Variants in PARP4 observed in about 807,000 individuals in gnomAD.
PARP4 encodes poly(ADP-ribose) polymerase family member 4.
PARP4 carries 120 observed loss-of-function variants against 187.7 expected under a neutral mutation model. That is an observed-to-expected ratio of 0.64 (90% CI 0.55 to 0.74). The LOEUF (loss-of-function observed/expected upper bound fraction) is 0.74, where lower values mean the gene tolerates loss of function less well. PARP4 is among the 30% of genes least tolerant of loss of function. The pLI is 0.00. For synonymous variants in PARP4, 654 were observed against 740.9 expected (o/e 0.88, Z 1.90); for missense variants, 1,836 against 2,070.5 (o/e 0.89, Z 2.20).
intron 10 of PARP4, among the ~76,000 whole-genome samples, chr13:24,489,961 C>T (rs56071500): frequency 0.098 from 14,980 of 152,174 alleles, 814 homozygotes; most frequent in Non-Finnish European, 0.12. Context: ...CTGGTGTGTG[C>T]GGCTACAACT....
intron 7 of PARP4, among the ~76,000 whole-genome samples, chr13:24,494,221 G>A (rs1215917426): frequency 6.6e-6 from 1 of 152,104 alleles, no homozygotes; most frequent in East Asian, 1.9e-4. Context: ...CTTGAGACAG[G>A]GTCTTGCTGT....
In PARP4 at chr13:24,469,104, C is replaced by T; in HGVS notation, c.2053G>A (p.Glu685Lys). The change falls in exon 17 of 34, where the codon GAG becomes AAG. Residue 685 changes from glutamate (E) to lysine (K), a missense_variant. Glu to Lys is a moderately conservative substitution (Grantham distance 56, BLOSUM62 1). This residue lies in a region of PARP4 where 1,147 missense variants were observed against 1,214.2 expected (regional missense o/e 0.94). Transcript: ENST00000381989. ...TACTCTTGCTGGGCTTCTTCCTTCT[C>T]TTTAATCTGGAAAAGATGAGTTTTA... ...NGKHIVGEIK[E>K]KEEAQQEYLE... The T allele has an allele frequency of 6.2e-7, 1 of 1,609,570 alleles. No homozygotes were observed. Among genetic ancestry groups the T allele is most frequent in the East Asian group, 2.2e-5 (1 of 44,846 alleles).
chr13:24,480,614 T>A (rs1873224846), intron 12 of PARP4, among the ~76,000 whole-genome samples: 1 of 152,194 alleles, frequency 6.6e-6, no homozygotes, highest in South Asian at 2.1e-4. Context: ...ATTGCTGATA[T>A]GAAGAAAATG....
chr13:24,433,946 T>C (rs1277312150), intron 31 of PARP4, among the ~76,000 whole-genome samples: 1 of 152,176 alleles, frequency 6.6e-6, no homozygotes, highest in East Asian at 1.9e-4. Flanking sequence ...ACAATATACA[T>C]GTTGAATAAT....
chr13:24,475,616 C>CTAAT lies in PARP4; in HGVS notation c.1790-21_1790-20insATTA, dbSNP rs775825653. On this transcript the variant is annotated intron_variant, in intron 14 of 33. Coordinates refer to ENST00000381989, the MANE Select transcript of PARP4 (RefSeq NM_006437.4). Reference sequence around the variant, plus strand: ...GGTAATCTAAACGTTAAAAATGTTACTATTAGCTTTCAAAACCATCCCTGT... The same window carrying CTAAT: ...GGTAATCTAAACGTTAAAAATGTTACTAATTATTAGCTTTCAAAACCATCCCTGT... 1.9e-6 allele frequency: 3 copies of CTAAT among 1,611,198 alleles called. No homozygotes were observed. In the South Asian group the frequency reaches 3.3e-5, roughly 18 times the overall value.
intron 9 of PARP4, 32 bp downstream of exon 9, chr13:24,492,389 A>G (rs1229510512): frequency 4.0e-6 from 6 of 1,512,320 alleles, no homozygotes; most frequent in Non-Finnish European, 5.4e-6. Context: ...CATATTTTAT[A>G]ATAAATAGAA....
intron 28 of PARP4, among the ~76,000 whole-genome samples, chr13:24,443,079 A>G (rs1467370703): frequency 1.3e-5 from 2 of 151,578 alleles, no homozygotes; most frequent in Non-Finnish European, 1.5e-5. Flanking sequence ...ATCTGTCACT[A>G]GAACTGACTG....
chr13:24,494,721 G>A lies in PARP4; in HGVS notation c.593C>T (p.Thr198Ile). 1 of 1,598,296 alleles carries A rather than the reference G, an allele frequency of 6.3e-7. No homozygotes were observed. Among genetic ancestry groups the A allele is most frequent in the East Asian group, 2.2e-5 (1 of 44,682 alleles). ...TTTCTTTATAGCAAACTGTCTTCTAGTCTGTGAATTATGGTGTATAGCAAA... is the reference window on the plus strand; with the variant it reads ...TTTCTTTATAGCAAACTGTCTTCTAATCTGTGAATTATGGTGTATAGCAAA... ...SHFLLDDGME[T>I]RRQFAIKKTS... The change falls in exon 7 of 34, where the codon ACT (threonine) becomes ATT (isoleucine). Residue 198 changes from threonine to isoleucine, a missense_variant and splice_region_variant. Thr to Ile is a moderately conservative substitution (Grantham distance 89, BLOSUM62 -1). Transcript: ENST00000381989.
intron 22 of PARP4, 30 bp from the exon 23 acceptor site, chr13:24,453,684 C>G (rs1489049334): frequency 7.9e-7 from 1 of 1,272,202 alleles, no homozygotes; most frequent in African/African-American, 1.5e-5. Context: ...TGAGGTGCTG[C>G]TTCCACACGT....
intron 24 of PARP4, among the ~76,000 whole-genome samples, chr13:24,451,446 T>G (rs1165937770): frequency 6.6e-6 from 1 of 151,646 alleles, no homozygotes; most frequent in Admixed American, 6.6e-5. Flanking sequence ...CTGGCTTGAG[T>G]ATAGCAGCTA....
At position 24,453,587 on chromosome 13, in the gene PARP4, C is replaced by A. The variant is rs774471735; in HGVS notation, c.2826G>T (p.Met942Ile). ...GATACAGGAAGCCTCTTGCACTCACCATGATGAACTCTGCTGCCATGGTAT... is the reference window on the plus strand; with the variant it reads ...GATACAGGAAGCCTCTTGCACTCACAATGATGAACTCTGCTGCCATGGTAT... ...TSNTMAAEFI[M>I]SATPTMGNTD... The change falls in exon 23 of 34, where the codon ATG (methionine) becomes ATT (isoleucine). Residue 942 changes from methionine to isoleucine, a missense_variant and splice_region_variant. Met to Ile is a conservative substitution (Grantham distance 10, BLOSUM62 1). Around this residue, in one of 8 missense-constraint regions of PARP4, gnomAD observed 1,147 missense variants for 1,214.2 expected, o/e 0.94. Transcript: ENST00000381989. 1 of 1,583,680 alleles carries A rather than the reference C, an allele frequency of 6.3e-7. No homozygotes were observed. The highest frequency in any genetic ancestry group is 1.7e-5 in the Admixed American group (1 of 59,952).
intron 31 of PARP4, 79 bp downstream of exon 31, chr13:24,434,316 T>C (rs1458982749): frequency 5.1e-6 from 7 of 1,377,340 alleles, no homozygotes; most frequent in Non-Finnish European, 6.9e-6. Context: ...GACGGTTCCT[T>C]GACCAGCTGC....
chr13:24,479,280 C>A (rs1187477749), intron 12 of PARP4, among the ~76,000 whole-genome samples: 1 of 152,144 alleles, frequency 6.6e-6, no homozygotes, highest in East Asian at 1.9e-4. Flanking sequence ...TCAGTTCCCC[C>A]ATTCCTTCTA....
chr13:24,495,427 G>A (rs536914032), intron 6 of PARP4, among the ~76,000 whole-genome samples: 35 of 152,316 alleles, frequency 2.3e-4, no homozygotes, highest in Admixed American at 2.0e-3. Flanking sequence ...AGGAAGAACT[G>A]TTAGAGACGG....
rs772944162 is a variant in PARP4 at position 24,455,256 on chromosome 13, T to G, written c.2563-44A>C. On this transcript the variant is annotated intron_variant, in intron 21 of 33. Transcript: ENST00000381989. ...TGCTGGACTGGAGCTTCTTGTCACT[T>G]CAACTGCAAAAGGTCTACTTAGAAA... The G allele has an allele frequency of 6.2e-6, 9 of 1,454,132 alleles. No homozygotes were observed. The South Asian group carries it at 1.2e-4, about 20-fold the overall frequency. The allele number at this position is 1,454,132 out of a possible 1,614,324, so 90.1% of individuals were successfully genotyped here. A position where few individuals can be genotyped will look rare whatever the true frequency, so the allele number is the denominator to read the frequency against.
In PARP4 at chr13:24,434,999, G is replaced by A. The variant is rs759595368; in HGVS notation, c.4142C>T (p.Ala1381Val). ...GTCADWIPQSASCPTGPPQNP... is the reference protein window; with the variant it reads ...GTCADWIPQSVSCPTGPPQNP... ...CTGGGGAGGTCCTGTGGGACAAGACGCCGACTGTGGGATCCAGTCAGCACA... is the reference window on the plus strand; with the variant it reads ...CTGGGGAGGTCCTGTGGGACAAGACACCGACTGTGGGATCCAGTCAGCACA... Residue 1381 changes from alanine (A) to valine (V), a missense_variant, in exon 31 of 34, where the codon GCG becomes GTG. By Grantham distance (64) the Ala-to-Val change is moderately conservative. This residue lies in a region of PARP4 where 450 missense variants were observed against 439.2 expected (regional missense o/e 1.02). Coordinates refer to ENST00000381989, the MANE Select transcript of PARP4 (RefSeq NM_006437.4). 33 of 1,613,920 alleles carry A rather than the reference G, an allele frequency of 2.0e-5. No homozygotes were observed. In the African/African-American group the frequency reaches 2.3e-4, roughly 11 times the overall value.
intron 29 of PARP4, 142 bp from the exon 30 acceptor site, chr13:24,442,110 G>C: frequency 8.8e-7 from 1 of 1,133,240 alleles, no homozygotes; most frequent in Non-Finnish European, 1.2e-6. Flanking sequence ...ACAAGCGTGA[G>C]GGGAAGTGGG....
intron 1 of PARP4, among the ~76,000 whole-genome samples, chr13:24,506,063 T>C (rs1385556432): frequency 6.6e-6 from 1 of 152,224 alleles, no homozygotes; most frequent in Non-Finnish European, 1.5e-5. Flanking sequence ...TGTGGGTTCT[T>C]GGTCTCACTG....
At chr13:24,455,708 C>T (rs990166733) in intron 21 of PARP4, among the ~76,000 whole-genome samples, 1 of 148,102 alleles carries the variant, frequency 6.8e-6, no homozygotes, top group African/African-American at 2.5e-5. Context: ...ACCTCAACCT[C>T]CTGGACTCAA....
Sources: allele counts gnomAD v4.1 joint callset (sites outside exome capture counted in the v4.1 genomes callset), GRCh38; gene constraint gnomAD v4.1.1; regional missense constraint gnomAD v4.1.1; transcripts MANE v1.5; gene names NCBI Gene and HGNC (gene_info 2026-07-23, HGNC 2026-07-21).